TOM1L2: variants seen among roughly 807,000 people sequenced by gnomAD.
TOM1L2 encodes TOM1-like protein 2.
A neutral mutation model predicts 67.9 loss-of-function variants in TOM1L2; 31 were observed. That is an observed-to-expected ratio of 0.46 (90% CI 0.34 to 0.62). The LOEUF is 0.62. Among genes scored for constraint, TOM1L2 ranks in the 20% least tolerant of loss-of-function variants. The pLI, the probability that TOM1L2 is intolerant of heterozygous loss-of-function variation, is 0.01. For missense variants in TOM1L2, 606 were observed against 663.5 expected (o/e 0.91, Z 0.95); for synonymous variants, 256 against 254.0 (o/e 1.01, Z -0.07).
At chr17:17,931,190 T>C (rs1191087097) in intron 1 of TOM1L2, among the ~76,000 whole-genome samples, 1 of 152,084 alleles carries the variant, frequency 6.6e-6, no homozygotes, top group East Asian at 1.9e-4. Context: ...ATCCCCACCT[T>C]TTCGTTACTA....
chr17:17,955,345 T>TG (rs1343878009), intron 1 of TOM1L2, among the ~76,000 whole-genome samples: 19 of 146,448 alleles, frequency 1.3e-4, no homozygotes, highest in African/African-American at 3.6e-4. Flanking sequence ...TTTTTTTTTT[T>TG]TTTTTGTTTT....
intron 4 of TOM1L2, among the ~76,000 whole-genome samples, chr17:17,888,807 A>C (rs1467295615): frequency 6.6e-6 from 1 of 152,250 alleles, no homozygotes; most frequent in Non-Finnish European, 1.5e-5. Context: ...GGAAAGGCTC[A>C]GGGATGGCAT....
At chr17:17,933,120 A>C (rs2040398382) in intron 1 of TOM1L2, among the ~76,000 whole-genome samples, 2 of 152,194 alleles carry the variant, frequency 1.3e-5, no homozygotes, top group Admixed American at 1.3e-4. Flanking sequence ...AATCCACTCA[A>C]GGATTCCATA....
intron 7 of TOM1L2, among the ~76,000 whole-genome samples, chr17:17,876,411 T>C (rs566974683): frequency 2.0e-5 from 3 of 152,226 alleles, no homozygotes; most frequent in Non-Finnish European, 4.4e-5. Flanking sequence ...AAATGCCACA[T>C]TTGTTCCATG....
At chr17:17,960,926 G>A (rs552362910) in intron 1 of TOM1L2, among the ~76,000 whole-genome samples, 4 of 152,092 alleles carry the variant, frequency 2.6e-5, no homozygotes, top group African/African-American at 9.7e-5. Context: ...AGCAACAAAA[G>A]AAAAAGTAGA....
intron 1 of TOM1L2, among the ~76,000 whole-genome samples, chr17:17,941,158 T>C (rs1438832233): frequency 6.6e-6 from 1 of 152,196 alleles, no homozygotes; most frequent in Non-Finnish European, 1.5e-5. Flanking sequence ...TAACTGCCCC[T>C]TCTCTGAGAA....
chr17:17,907,809 A>T (rs2039165056), intron 1 of TOM1L2, among the ~76,000 whole-genome samples: 1 of 152,248 alleles, frequency 6.6e-6, no homozygotes, highest in African/African-American at 2.4e-5. Context: ...TGAGGATATT[A>T]GGTTTATGAA....
chr17:17,942,546 T>G (rs754753295), intron 1 of TOM1L2, among the ~76,000 whole-genome samples: 1 of 152,144 alleles, frequency 6.6e-6, no homozygotes, highest in South Asian at 2.1e-4. Context: ...TGGGCCGATA[T>G]GTATGGGCCG....
rs1286822069 is a variant in TOM1L2, at chr17:17,848,870, A to C, written c.1339-11T>G. The stretch of plus-strand genomic sequence containing the variant: ...CAGATCATCACCCTTCTGTGGGAGG[A>C]GCAGAGAAAATGAAATTAGGGCACT... On this transcript the variant is annotated splice_polypyrimidine_tract_variant and intron_variant, in intron 13 of 14. Coordinates refer to ENST00000379504, the MANE Select transcript of TOM1L2 (RefSeq NM_001082968.2). 6.2e-7 allele frequency: 1 copy of C among 1,613,968 alleles called. No individual in the cohort carries two copies. Among genetic ancestry groups the C allele is most frequent in the Non-Finnish European group, 8.5e-7 (1 of 1,180,014 alleles).
intron 1 of TOM1L2, among the ~76,000 whole-genome samples, chr17:17,924,596 C>A (rs565802504): frequency 6.6e-4 from 100 of 152,080 alleles, no homozygotes; most frequent in Middle Eastern, 3.4e-3. Flanking sequence ...TAAACCTTGC[C>A]TCTACAAAAA....
At chr17:17,935,156 T>C (rs998697792) in intron 1 of TOM1L2, among the ~76,000 whole-genome samples, 3 of 152,366 alleles carry the variant, frequency 2.0e-5, no homozygotes, top group Middle Eastern at 3.4e-3. Flanking sequence ...GAAGCCTCTG[T>C]GGCTATCAAA....
chr17:17,880,334 A>G lies in TOM1L2; in HGVS notation c.661-591T>C, dbSNP rs114749091. 8.1e-3 allele frequency among the ~76,000 whole-genome samples: 1,233 copies of G among 152,300 alleles called. 23 individuals carry two copies. The highest frequency in any genetic ancestry group is 0.027 in the African/African-American group (1,140 of 41,562). ...ACACCTTCCCCACCCAGCTCCCTAC[A>G]TGGTAACACAGCCCCTTGAAAAATA... On this transcript the variant is annotated intron_variant, in intron 6 of 14. Coordinates refer to ENST00000379504, the MANE Select transcript of TOM1L2 (RefSeq NM_001082968.2).
chr17:17,892,585 T>TCC (rs1568185693), intron 4 of TOM1L2, among the ~76,000 whole-genome samples: 2 of 152,086 alleles, frequency 1.3e-5, no homozygotes, highest in Non-Finnish European at 2.9e-5. Flanking sequence ...CCTCTGGGCA[T>TCC]CCTTCTGGTC....
intron 4 of TOM1L2, among the ~76,000 whole-genome samples, chr17:17,887,426 T>C (rs554987047): frequency 6.6e-6 from 1 of 152,196 alleles, no homozygotes; most frequent in East Asian, 1.9e-4. Context: ...TGTGAAAACG[T>C]ACAGATGGGA....
intron 10 of TOM1L2, 95 bp downstream of exon 10, chr17:17,866,201 C>G (rs1159228947): frequency 1.4e-6 from 2 of 1,424,274 alleles, no homozygotes; most frequent in East Asian, 2.5e-5. Context: ...CCAAAAGACT[C>G]TCTTTGGGTC....
intron 13 of TOM1L2, chr17:17,849,093 G>A (rs1239848088): frequency 3.5e-6 from 2 of 567,430 alleles, no homozygotes; most frequent in African/African-American, 3.8e-5. Context: ...ACATGTTTTA[G>A]GTTTTGATCC....
At chr17:17,865,880 G>A (rs935474279) in intron 10 of TOM1L2, among the ~76,000 whole-genome samples, 2 of 151,366 alleles carry the variant, frequency 1.3e-5, no homozygotes, top group African/African-American at 4.9e-5. Context: ...GAGTAGTTGG[G>A]ATTGCAGGTG....
intron 1 of TOM1L2, among the ~76,000 whole-genome samples, chr17:17,911,439 T>C (rs1318881186): frequency 6.6e-6 from 1 of 152,210 alleles, no homozygotes; most frequent in Non-Finnish European, 1.5e-5. Context: ...TGGGAAGGAC[T>C]TGCCCCACTG....
chr17:17,870,588 C>G (rs529977941), intron 7 of TOM1L2, among the ~76,000 whole-genome samples: 2 of 152,322 alleles, frequency 1.3e-5, no homozygotes, highest in South Asian at 4.1e-4. Context: ...AAGGATAAGT[C>G]TCTCCTTCTC....
Sources: allele counts gnomAD v4.1 joint callset (sites outside exome capture counted in the v4.1 genomes callset), GRCh38; gene constraint gnomAD v4.1.1; transcripts MANE v1.5; gene names NCBI Gene and HGNC (gene_info 2026-07-23, HGNC 2026-07-21).